The following ACOX3 variants were observed in gnomAD, a reference collection of about 807,000 sequenced individuals.
ACOX3 encodes the protein acyl-CoA oxidase 3, pristanoyl, also known as peroxisomal acyl-coenzyme A oxidase 3.
A neutral mutation model predicts 81.5 loss-of-function variants in ACOX3; 73 were observed. That is an observed-to-expected ratio of 0.90 (90% CI 0.74 to 1.09). ACOX3 has a LOEUF of 1.09. Among genes scored for constraint, ACOX3 ranks in the 50% least tolerant of loss-of-function variants. The pLI is 0.00. For synonymous variants in ACOX3, 387 were observed against 375.1 expected (o/e 1.03, Z -0.37); for missense variants, 947 against 928.0 (o/e 1.02, Z -0.27).
chr4:8,361,177 A>C, the ACOX3 span, among the ~76,000 whole-genome samples: 1 of 152,062 alleles, frequency 6.6e-6, no homozygotes, highest in Non-Finnish European at 1.5e-5. Flanking sequence ...TAATCCCAGC[A>C]GTTTGGGAGG....
chr4:8,406,694 C>CAG lies in ACOX3; in HGVS notation c.688-653_688-652dup, dbSNP rs1160625685. Among the ~76,000 whole-genome samples the CAG allele has an allele frequency of 2.0e-5, 3 of 150,540 alleles. No individual in the cohort carries two copies. The highest frequency in any genetic ancestry group is 2.1e-4 in the South Asian group (1 of 4,810). On this transcript the variant is annotated intron_variant, in intron 6 of 17. Coordinates refer to ENST00000356406, the MANE Select transcript of ACOX3 (RefSeq NM_003501.3). This position sits in a 1 kb window ranked among gnomAD's most constrained non-coding sequence, Gnocchi z 5.6. ...GCCCTTCCCTGCCTGGCAGCTGAGGCAGAGAGAGAGAGAGGAGACAGAGAG... is the reference window on the plus strand; with the variant it reads ...GCCCTTCCCTGCCTGGCAGCTGAGGCAGAGAGAGAGAGAGAGGAGACAGAGAG...
At position 8,413,799 on chromosome 4, in the gene ACOX3, C is replaced by T. The variant is rs571239047; in HGVS notation, c.543+493G>A. ...CCAGGCAGCAGCCACAATGCAGGTA[C>T]CAGAGAGGTCAAGAGGATGGCAAGG... On this transcript the variant is annotated intron_variant, in intron 5 of 17. Coordinates refer to ENST00000356406, the MANE Select transcript of ACOX3 (RefSeq NM_003501.3). 6.6e-5 allele frequency among the ~76,000 whole-genome samples: 10 copies of T among 152,310 alleles called. No homozygotes were observed. The South Asian group carries it at 1.7e-3, about 25-fold the overall frequency.
chr4:8,440,216 T>C (rs887022429), intron 1 of ACOX3, among the ~76,000 whole-genome samples: 17 of 152,260 alleles, frequency 1.1e-4, no homozygotes, highest in Non-Finnish European at 2.5e-4. Context: ...ATTTCTTTTT[T>C]GGGGAGCTCA....
the ACOX3 span, chr4:8,357,244 A>G: frequency 1.5e-5 from 7 of 456,648 alleles, no homozygotes; most frequent in African/African-American, 1.4e-4. Flanking sequence ...AGCTGAGAGA[A>G]AAGTGGACAC....
rs1016864924 is a variant in ACOX3, at chr4:8,423,364, G to A, written c.-14-6829C>T. On this transcript the variant is annotated intron_variant, in intron 1 of 17. Transcript: ENST00000356406. This position sits in a 1 kb window ranked among gnomAD's most constrained non-coding sequence, Gnocchi z 4.2. ...CCTACTTGAGGAAGGAATTAATCCT[G>A]AAGTCTGGGCAACAGAAGGACAATA... Among the ~76,000 whole-genome samples, 1 of 152,130 alleles carries A rather than the reference G, an allele frequency of 6.6e-6. No individual in the cohort carries two copies. Among genetic ancestry groups the A allele is most frequent in the South Asian group, 2.1e-4 (1 of 4,824 alleles).
chr4:8,365,455 C>A (rs1715352828), downstream of ACOX3, among the ~76,000 whole-genome samples: 1 of 152,230 alleles, frequency 6.6e-6, no homozygotes, highest in African/African-American at 2.4e-5. Flanking sequence ...CCAGCACCTA[C>A]CTATTGCGTC....
At position 8,383,591 on chromosome 4, in the gene ACOX3, A is replaced by G. The variant is rs375102163; in HGVS notation, c.1538-1984T>C. Among the ~76,000 whole-genome samples, 51 of 152,314 alleles carry G rather than the reference A, an allele frequency of 3.3e-4. 1 individual carries two copies. The South Asian group carries it at 0.01, about 31-fold the overall frequency. On this transcript the variant is annotated intron_variant, in intron 13 of 17. Coordinates refer to ENST00000356406, the MANE Select transcript of ACOX3 (RefSeq NM_003501.3). ...CCCCCACCACGAGAGGGAGGCGGGT[A>G]GCCCTGCCCCATCCTGACTTGGGGT...
intron 1 of ACOX3, among the ~76,000 whole-genome samples, chr4:8,425,985 A>T (rs1161552867): frequency 1.3e-5 from 2 of 152,142 alleles, no homozygotes; most frequent in African/African-American, 4.8e-5. Flanking sequence ...AAGCTAACTC[A>T]GGAAACCCAC....
rs1258753903 is a variant in ACOX3 at position 8,432,989 on chromosome 4, T to C, written c.-15+7659A>G. 6.6e-6 allele frequency among the ~76,000 whole-genome samples: 1 copy of C among 152,210 alleles called. No homozygotes were observed. The highest frequency in any genetic ancestry group is 1.5e-5 in the Non-Finnish European group (1 of 68,034). Reference sequence around the variant, plus strand: ...GGTCAGTAGCCAAAAGTAACTACGGTATTGGACAGTGCAGACATAGAACAT... The same window carrying C: ...GGTCAGTAGCCAAAAGTAACTACGGCATTGGACAGTGCAGACATAGAACAT... On this transcript the variant is annotated intron_variant, in intron 1 of 17. Transcript: ENST00000356406. The surrounding 1 kb of genome is among the most constrained non-coding windows in gnomAD (Gnocchi z 6.2).
At chr4:8,410,604 GGA>G (rs1483808704) in intron 5 of ACOX3, among the ~76,000 whole-genome samples, 3 of 152,272 alleles carry the variant, frequency 2.0e-5, no homozygotes, top group Non-Finnish European at 1.5e-5. Context: ...ACGCTTCCAG[GGA>G]GTTTTCATTA....
Position 8,382,301 on chromosome 4 carries a change from G to A in ACOX3, c.1538-694C>T, listed in dbSNP as rs1010630336. Among the ~76,000 whole-genome samples, 9 of 152,318 alleles carry A rather than the reference G, an allele frequency of 5.9e-5. No individual in the cohort carries two copies. In the Middle Eastern group the frequency reaches 0.01, roughly 173 times the overall value. On this transcript the variant is annotated intron_variant, in intron 13 of 17. Transcript: ENST00000356406. The surrounding 1 kb of genome is among the most constrained non-coding windows in gnomAD (Gnocchi z 4.1). ...TCCCCTGGCAGTGGTGCCCACATCT[G>A]CGGGGCCCCCCACAGCACAGCCAGA...
Position 8,371,278 on chromosome 4 carries a change from G to A in ACOX3, c.1897-284C>T, listed in dbSNP as rs113820939. 2.1e-3 allele frequency among the ~76,000 whole-genome samples: 315 copies of A among 152,282 alleles called. 1 individual carries two copies. The highest frequency in any genetic ancestry group is 6.6e-3 in the African/African-American group (275 of 41,552). On this transcript the variant is annotated intron_variant, in intron 16 of 17. Coordinates refer to ENST00000356406, the MANE Select transcript of ACOX3 (RefSeq NM_003501.3). Reference sequence around the variant, plus strand: ...CTTAAAAGTGACGACCCTGAAGCTCGTGAATTAGCAACTGCATTCAGAGGC... The same window carrying A: ...CTTAAAAGTGACGACCCTGAAGCTCATGAATTAGCAACTGCATTCAGAGGC...
In ACOX3 at chr4:8,381,387, G is replaced by T; in HGVS notation, c.1653+105C>A. 1 of 998,086 alleles carries T rather than the reference G, an allele frequency of 1.0e-6. No homozygotes were observed. The highest frequency in any genetic ancestry group is 1.5e-5 in the South Asian group (1 of 66,860). 61.8% of individuals were successfully genotyped at this position (998,086 alleles called of 1,614,324 possible). On this transcript the variant is annotated intron_variant, in intron 14 of 17. Transcript: ENST00000356406. The surrounding 1 kb of genome is among the most constrained non-coding windows in gnomAD (Gnocchi z 4.3). ...ATCTGCCCAAGGTCACGGGAGCTCG[G>T]GGTCTGGGGCCTGAATTGCCAGGAT...
In ACOX3 at chr4:8,384,947, C is replaced by T; in HGVS notation, c.1538-3340G>A. On this transcript the variant is annotated intron_variant, in intron 13 of 17. Transcript: ENST00000356406. This position sits in a 1 kb window ranked among gnomAD's most constrained non-coding sequence, Gnocchi z 5.3. ...AGGTGCCAGTTTTGTGGGAGACATT[C>T]CCTGACCCACCAAGGCAGACCTCAC... Among the ~76,000 whole-genome samples, 2 of 152,152 alleles carry T rather than the reference C, an allele frequency of 1.3e-5. 1 individual carries two copies. The highest frequency in any genetic ancestry group is 2.9e-5 in the Non-Finnish European group (2 of 68,032).
At chr4:8,435,695 G>A (rs531020417) in intron 1 of ACOX3, among the ~76,000 whole-genome samples, 121 of 152,266 alleles carry the variant, frequency 7.9e-4, no homozygotes, top group Non-Finnish European at 1.4e-3. Flanking sequence ...ATTTAGCCCT[G>A]TTTAACAGCT....
intron 9 of ACOX3, 28 bp downstream of exon 9, chr4:8,396,909 A>G (rs1341572328): frequency 6.9e-6 from 11 of 1,598,718 alleles, no homozygotes; most frequent in Non-Finnish European, 8.5e-6. Context: ...ATAGAGAGAC[A>G]GTGAAAGGAT....
intron 7 of ACOX3, among the ~76,000 whole-genome samples, chr4:8,404,639 G>C (rs1720729896): frequency 6.6e-6 from 1 of 152,188 alleles, no homozygotes; most frequent in South Asian, 2.1e-4. Flanking sequence ...GAGACAGGCA[G>C]AAGGAGGTTT....
At chr4:8,358,369 G>GC in the ACOX3 span, 2 of 80,092 alleles carry the variant, frequency 2.5e-5, no homozygotes, top group Non-Finnish European at 5.2e-5. Flanking sequence ...AACCACCCCC[G>GC]CCCCCACCTT....
intron 8 of ACOX3, 135 bp from the exon 9 acceptor site, chr4:8,397,254 G>T: frequency 1.2e-6 from 1 of 830,118 alleles, no homozygotes; most frequent in Non-Finnish European, 1.7e-6. Context: ...CCCATCCCCA[G>T]GGCGCCCAAG....
Sources: gnomAD v4.1 joint callset for allele counts (sites outside exome capture counted in the v4.1 genomes callset) on GRCh38, gnomAD v4.1.1 for gene constraint, Gnocchi (gnomAD v3.1) non-coding constraint, MANE v1.5 for transcripts, NCBI Gene and HGNC (gene_info 2026-07-23, HGNC 2026-07-21) for gene names.